STK38L: variants seen among roughly 807,000 people sequenced by gnomAD.
The protein encoded by STK38L is serine/threonine-protein kinase 38-like.
A neutral mutation model predicts 59.7 loss-of-function variants in STK38L; 28 were observed. That is an observed-to-expected ratio of 0.47 (90% confidence interval 0.35 to 0.64). STK38L has a LOEUF of 0.64. Among genes scored for constraint, STK38L ranks in the 30% least tolerant of loss-of-function variants. The pLI is 0.01. For missense variants in STK38L, 314 were observed against 555.8 expected (o/e 0.56, Z 4.37); for synonymous variants, 162 against 176.8 (o/e 0.92, Z 0.66).
intron 1 of STK38L, among the ~76,000 whole-genome samples, chr12:27,267,909 C>T (rs558081364): frequency 6.6e-6 from 1 of 152,138 alleles, no homozygotes; most frequent in East Asian, 1.9e-4. Flanking sequence ...GTTTTTTGCT[C>T]ATTTTAAATT....
intron 11 of STK38L, among the ~76,000 whole-genome samples, 175 bp downstream of exon 11, chr12:27,318,194 AC>A (rs772231831): frequency 1.7e-4 from 26 of 152,354 alleles, no homozygotes; most frequent in Admixed American, 1.4e-3. Context: ...GCAGAAAAAA[AC>A]GTAGGAATTA....
In STK38L at chr12:27,318,104, A is replaced by G. The variant is rs1241951195; in HGVS notation, c.1079+85A>G. 7 of 1,513,592 alleles carry G rather than the reference A, an allele frequency of 4.6e-6. No homozygotes were observed. In the Admixed American group the frequency reaches 9.5e-5, roughly 21 times the overall value. 93.8% of individuals were successfully genotyped at this position (1,513,592 alleles called of 1,614,324 possible). On this transcript the variant is annotated intron_variant, in intron 11 of 13. Transcript: ENST00000389032. ...AGACTCATTTCACTTTTGTGGGGGA[A>G]GAGGGGATACCACTGATGTATACAG... is the stretch of plus-strand genomic sequence containing the variant.
chr12:27,265,294 G>A (rs917309967), intron 1 of STK38L, among the ~76,000 whole-genome samples: 4 of 152,094 alleles, frequency 2.6e-5, no homozygotes, highest in Admixed American at 6.5e-5. Flanking sequence ...GTATAGGATC[G>A]TGCACTATAT....
intron 11 of STK38L, among the ~76,000 whole-genome samples, chr12:27,318,815 C>G (rs1043819807): frequency 6.6e-6 from 1 of 152,072 alleles, no homozygotes; most frequent in Non-Finnish European, 1.5e-5. Context: ...CATGGTGAAA[C>G]CCCGTCTCTA....
chr12:27,297,982 G>A lies in STK38L; in HGVS notation c.134+128G>A, dbSNP rs1194391269. Reference sequence around the variant, plus strand: ...CCTGCATGCTGTTTTTGAGTTTCCTGTACTGACAGTGCACATAGACATGTG... The same window carrying A: ...CCTGCATGCTGTTTTTGAGTTTCCTATACTGACAGTGCACATAGACATGTG... On this transcript the variant is annotated intron_variant, in intron 2 of 13. Coordinates refer to ENST00000389032, the MANE Select transcript of STK38L (RefSeq NM_015000.4). 3.5e-6 allele frequency: 4 copies of A among 1,154,622 alleles called. No homozygotes were observed. In the Admixed American group the frequency reaches 6.7e-5, roughly 19 times the overall value. 71.5% of individuals were successfully genotyped at this position (1,154,622 alleles called of 1,614,324 possible).
rs1944768690 is a variant in STK38L at position 27,323,101 on chromosome 12, A to G, written c.*646A>G. 6.6e-6 allele frequency: 1 copy of G among 152,238 alleles called. No individual in the cohort carries two copies. Among genetic ancestry groups the G allele is most frequent in the Non-Finnish European group, 1.5e-5 (1 of 68,022 alleles). 9.4% of individuals were successfully genotyped at this position (152,238 alleles called of 1,614,324 possible). On this transcript the variant is annotated 3_prime_UTR_variant, in exon 14 of 14. Transcript: ENST00000389032. ...TGACAAGTTTATAATAAGGAAGACA[A>G]AGTTTAACACCTTCACTCAAGCACT...
chr12:27,319,258 T>C (rs1944666111), intron 11 of STK38L, 70 bp from the exon 12 acceptor site: 1 of 905,210 alleles, frequency 1.1e-6, no homozygotes, highest in South Asian at 1.7e-5. Flanking sequence ...AAAGAAATAT[T>C]TGAAGTAATG....
At position 27,302,020 on chromosome 12, in the gene STK38L, T is replaced by A; in HGVS notation, c.135-117T>A. ...GATTATGTTGATCCAACTTGAAAGT[T>A]TTTTTTTTTTTAGCCTAGCAAGCTG... On this transcript the variant is annotated intron_variant, in intron 2 of 13. Coordinates refer to ENST00000389032, the MANE Select transcript of STK38L (RefSeq NM_015000.4). The A allele has an allele frequency of 1.5e-5, 8 of 544,548 alleles. No homozygotes were observed. In the South Asian group the frequency reaches 3.4e-4, roughly 23 times the overall value. 33.7% of individuals were successfully genotyped at this position (544,548 alleles called of 1,614,324 possible). A position where few individuals can be genotyped will look rare whatever the true frequency, so the allele number is the denominator to read the frequency against.
chr12:27,295,921 AG>A (rs1296947484), intron 1 of STK38L, among the ~76,000 whole-genome samples: 1 of 152,198 alleles, frequency 6.6e-6, no homozygotes, highest in Non-Finnish European at 1.5e-5. Flanking sequence ...AAGAGCTTGG[AG>A]GCATGAAAGA....
intron 1 of STK38L, among the ~76,000 whole-genome samples, chr12:27,287,101 CT>C (rs201757206): frequency 1.2e-3 from 164 of 139,534 alleles, no homozygotes; most frequent in Middle Eastern, 3.7e-3. Context: ...TTTAGATACA[CT>C]TTTTTTTTTT....
At chr12:27,269,862 C>T (rs1305471011) in intron 1 of STK38L, among the ~76,000 whole-genome samples, 3 of 152,082 alleles carry the variant, frequency 2.0e-5, no homozygotes, top group Admixed American at 1.3e-4. Context: ...AGGCTGGTCT[C>T]GAAATCCTGA....
At chr12:27,287,565 A>G (rs985104091) in intron 1 of STK38L, among the ~76,000 whole-genome samples, 1 of 152,202 alleles carries the variant, frequency 6.6e-6, no homozygotes, top group Non-Finnish European at 1.5e-5. Flanking sequence ...CATTTTAAGA[A>G]AGCTCATTCC....
In STK38L at chr12:27,263,247, G is replaced by A. The variant is rs76000486; in HGVS notation, c.-12+18915G>A. On this transcript the variant is annotated intron_variant, in intron 1 of 13. Coordinates refer to ENST00000389032, the MANE Select transcript of STK38L (RefSeq NM_015000.4). ...ATGCATATGAAAATATTTCTTATCA[G>A]TTGGCAGTTACCACCTCTTACAGTG... Among the ~76,000 whole-genome samples, 55 of 152,334 alleles carry A rather than the reference G, an allele frequency of 3.6e-4. No homozygotes were observed. The East Asian group carries it at 0.01, about 28-fold the overall frequency.
Position 27,255,454 on chromosome 12 carries a change from A to G in STK38L, c.-12+11122A>G, listed in dbSNP as rs183604745. On this transcript the variant is annotated intron_variant, in intron 1 of 13. Transcript: ENST00000389032. Reference sequence around the variant, plus strand: ...ATACTTAAGATTTTAGCTTTTCTGTAATAGTGGTGAAAAGTTATTTCTCAG... The same window carrying G: ...ATACTTAAGATTTTAGCTTTTCTGTGATAGTGGTGAAAAGTTATTTCTCAG... 3.4e-4 allele frequency among the ~76,000 whole-genome samples: 52 copies of G among 152,342 alleles called. No homozygotes were observed. The East Asian group carries it at 5.6e-3, about 16-fold the overall frequency.
intron 1 of STK38L, among the ~76,000 whole-genome samples, chr12:27,258,635 C>G (rs958494609): frequency 1.3e-5 from 2 of 152,154 alleles, no homozygotes; most frequent in African/African-American, 4.8e-5. Flanking sequence ...GGCCTGGTTG[C>G]TTTTTTATGT....
At chr12:27,317,150 T>C (rs780967758) in intron 9 of STK38L, among the ~76,000 whole-genome samples, 186 bp from the exon 10 acceptor site, 1 of 152,116 alleles carries the variant, frequency 6.6e-6, no homozygotes, top group Non-Finnish European at 1.5e-5. Flanking sequence ...GACTGAAAAA[T>C]AGTAGTCTAT....
chr12:27,296,208 A>G (rs1200667819), intron 1 of STK38L, among the ~76,000 whole-genome samples: 3 of 152,214 alleles, frequency 2.0e-5, no homozygotes, highest in Non-Finnish European at 2.9e-5. Context: ...ATATAACCAT[A>G]CTCAGTGTAT....
chr12:27,292,099 T>G (rs2136634683), intron 1 of STK38L, among the ~76,000 whole-genome samples: 1 of 152,334 alleles, frequency 6.6e-6, no homozygotes, highest in Middle Eastern at 3.4e-3. Flanking sequence ...GCACCTTGTG[T>G]TGTTTTTATC....
intron 1 of STK38L, among the ~76,000 whole-genome samples, chr12:27,249,890 A>C (rs1942935709): frequency 6.6e-6 from 1 of 152,306 alleles, no homozygotes; most frequent in East Asian, 1.9e-4. Flanking sequence ...CTATCTCTCC[A>C]GCTGATTCAG....
Sources: gnomAD v4.1 joint callset for allele counts (sites outside exome capture counted in the v4.1 genomes callset) on GRCh38, gnomAD v4.1.1 for gene constraint, MANE v1.5 for transcripts, NCBI Gene and HGNC (gene_info 2026-07-23, HGNC 2026-07-21) for gene names.